CDH13: variants seen among roughly 807,000 people sequenced by gnomAD.
CDH13 encodes the protein cadherin-13.
A neutral mutation model predicts 63.8 loss-of-function variants in CDH13; 24 were observed. The ratio of observed to expected loss-of-function variants is 0.38; its 90% CI spans 0.27 to 0.53. CDH13 has a LOEUF of 0.53. CDH13 is among the 20% of genes least tolerant of loss of function. The probability of loss-of-function intolerance (pLI) is 0.85; values close to 1 mark genes in which losing one functional copy is unlikely to be tolerated. For synonymous variants in CDH13, 503 were observed against 355.3 expected (o/e 1.42, Z -4.67); for missense variants, 1,049 against 903.1 (o/e 1.16, Z -2.07).
chr16:82,846,442 G>T (rs1381697501), intron 1 of CDH13, among the ~76,000 whole-genome samples: 1 of 152,124 alleles, frequency 6.6e-6, no homozygotes, highest in Non-Finnish European at 1.5e-5. Flanking sequence ...TGAAACATTT[G>T]ATTTGTGTTT....
At chr16:82,804,238 T>C (rs1013245985) in intron 1 of CDH13, among the ~76,000 whole-genome samples, 3 of 147,354 alleles carry the variant, frequency 2.0e-5, no homozygotes, top group Non-Finnish European at 3.0e-5. Flanking sequence ...AAAAAAAAAA[T>C]GTGTTTAGAG....
At chr16:83,213,189 G>A (rs1349800525) in intron 4 of CDH13, among the ~76,000 whole-genome samples, 1 of 152,150 alleles carries the variant, frequency 6.6e-6, no homozygotes, top group Non-Finnish European at 1.5e-5. Flanking sequence ...TTCAGCAGCA[G>A]GAGCCAACTC....
chr16:83,329,925 T>G (rs1047530722), intron 5 of CDH13, among the ~76,000 whole-genome samples: 1 of 152,366 alleles, frequency 6.6e-6, no homozygotes, highest in African/African-American at 2.4e-5. Flanking sequence ...TCCATTCATC[T>G]GCTAATGGAC....
chr16:82,785,816 T>C (rs2151124129), intron 1 of CDH13, among the ~76,000 whole-genome samples: 1 of 152,286 alleles, frequency 6.6e-6, no homozygotes. Context: ...GAATATAAAA[T>C]TTTATTTTTA....
At chr16:82,640,953 G>A (rs1909323115) in intron 1 of CDH13, among the ~76,000 whole-genome samples, 1 of 152,172 alleles carries the variant, frequency 6.6e-6, no homozygotes, top group Non-Finnish European at 1.5e-5. Context: ...TAAATAAATA[G>A]AGACACAGAA....
intron 7 of CDH13, among the ~76,000 whole-genome samples, chr16:83,591,428 A>T (rs1275805002): frequency 2.0e-5 from 3 of 152,156 alleles, no homozygotes; most frequent in Non-Finnish European, 4.4e-5. Flanking sequence ...TTCTGCTCCT[A>T]ACCAGCCATG....
At chr16:82,627,357 TGTG>T (rs1907433778) in intron 1 of CDH13, among the ~76,000 whole-genome samples, 1 of 151,438 alleles carries the variant, frequency 6.6e-6, no homozygotes, top group African/African-American at 2.4e-5. Flanking sequence ...TGTGTGTGTG[TGTG>T]TGTGTGTGTG....
chr16:83,169,217 G>A (rs75720496), intron 4 of CDH13, among the ~76,000 whole-genome samples: 5,754 of 150,906 alleles, frequency 0.038, 181 homozygotes, highest in Non-Finnish European at 0.046. Flanking sequence ...TCACTTTGTC[G>A]CCAGGCTGGA....
intron 6 of CDH13, among the ~76,000 whole-genome samples, chr16:83,377,713 G>C (rs2091484090): frequency 6.6e-6 from 1 of 152,150 alleles, no homozygotes; most frequent in Non-Finnish European, 1.5e-5. Flanking sequence ...CCACACTTAT[G>C]CCATTTCTTG....
intron 1 of CDH13, among the ~76,000 whole-genome samples, chr16:82,703,896 G>A (rs2031261929): frequency 6.6e-6 from 1 of 152,098 alleles, no homozygotes; most frequent in African/African-American, 2.4e-5. Flanking sequence ...ACCCAGCTTC[G>A]GGGGCTCCAG....
At chr16:83,053,270 TA>T (rs1436635233) in intron 3 of CDH13, among the ~76,000 whole-genome samples, 1 of 152,126 alleles carries the variant, frequency 6.6e-6, no homozygotes, top group African/African-American at 2.4e-5. Context: ...ATATAGGAGT[TA>T]AAAAGGTATC....
At chr16:82,684,984 A>C (rs1345202813) in intron 1 of CDH13, among the ~76,000 whole-genome samples, 1 of 130,044 alleles carries the variant, frequency 7.7e-6, no homozygotes, top group African/African-American at 2.8e-5. Context: ...TGGAGCTGGG[A>C]AATTTAGCCA....
At chr16:82,660,142 G>A (rs879628667) in intron 1 of CDH13, among the ~76,000 whole-genome samples, 2 of 152,130 alleles carry the variant, frequency 1.3e-5, no homozygotes, top group African/African-American at 4.8e-5. Context: ...GGGTTTCAGA[G>A]GAAGCTGCTG....
chr16:82,650,673 C>G (rs745476969), intron 1 of CDH13, among the ~76,000 whole-genome samples: 17 of 152,156 alleles, frequency 1.1e-4, no homozygotes, highest in Admixed American at 9.8e-4. Flanking sequence ...GCCTTGGTTT[C>G]CAGAAAACTG....
At chr16:83,785,029 G>C (rs1915785689) in intron 13 of CDH13, among the ~76,000 whole-genome samples, 1 of 152,224 alleles carries the variant, frequency 6.6e-6, no homozygotes, top group African/African-American at 2.4e-5. Flanking sequence ...GACAATTTCA[G>C]ATGAAGGGTT....
chr16:83,244,468 C>G (rs1199622458), intron 5 of CDH13, among the ~76,000 whole-genome samples: 1 of 152,128 alleles, frequency 6.6e-6, no homozygotes, highest in Non-Finnish European at 1.5e-5. Context: ...CTGTCAGAAA[C>G]TGTGCTCGGT....
At chr16:83,301,684 G>A (rs982057629) in intron 5 of CDH13, among the ~76,000 whole-genome samples, 16 of 152,146 alleles carry the variant, frequency 1.1e-4, no homozygotes, top group African/African-American at 3.9e-4. Flanking sequence ...TTGAACGTTA[G>A]TGTACCTTAT....
intron 1 of CDH13, chr16:82,688,838 T>C (rs547766471): frequency 2.0e-5 from 3 of 152,208 alleles, no homozygotes; most frequent in East Asian, 3.9e-4. Context: ...AGATTGAGAA[T>C]GGAAAGAAAA....
chr16:83,021,804 CTGCAATGTCAG>C (rs1475986792), intron 2 of CDH13, among the ~76,000 whole-genome samples: 2 of 152,206 alleles, frequency 1.3e-5, no homozygotes, highest in African/African-American at 4.8e-5. Context: ...TATAGAAGCT[CTGCAATGTCAG>C]TGCTGACTCT....
Sources: gnomAD v4.1 joint callset for allele counts (sites outside exome capture counted in the v4.1 genomes callset) on GRCh38, gnomAD v4.1.1 for gene constraint, MANE v1.5 for transcripts, NCBI Gene and HGNC (gene_info 2026-07-23, HGNC 2026-07-21) for gene names.